Variants in DZIP3 observed in about 807,000 individuals in gnomAD.
The protein encoded by DZIP3 is E3 ubiquitin-protein ligase DZIP3.
DZIP3 carries 118 observed loss-of-function variants against 162.0 expected under a neutral mutation model. The observed-to-expected ratio is 0.73, with a 90% CI of 0.63 to 0.85. The LOEUF is 0.85. Among genes scored for constraint, DZIP3 ranks in the 40% least tolerant of loss-of-function variants. The probability of loss-of-function intolerance (pLI) is 0.00; values close to 1 mark genes in which losing one functional copy is unlikely to be tolerated. For missense variants in DZIP3, 1,331 were observed against 1,407.0 expected (o/e 0.95, Z 0.86); for synonymous variants, 438 against 458.6 (o/e 0.96, Z 0.57).
rs756958550 is a variant in DZIP3, at chr3:108,684,208, T to C, written c.2884-8T>C. On this transcript the variant is annotated splice_polypyrimidine_tract_variant and splice_region_variant and intron_variant, in intron 26 of 32. Transcript: ENST00000361582. ...GTTGTTTATTATTGTTTATATTTTCTATTTTAGATGCAGCAGTTCTTAGGA... is the reference window on the plus strand; with the variant it reads ...GTTGTTTATTATTGTTTATATTTTCCATTTTAGATGCAGCAGTTCTTAGGA... 2.5e-6 allele frequency: 4 copies of C among 1,599,206 alleles called. No homozygotes were observed. The Admixed American group carries it at 7.0e-5, about 28-fold the overall frequency.
intron 1 of DZIP3, among the ~76,000 whole-genome samples, chr3:108,596,456 T>A (rs1371152776): frequency 6.6e-6 from 1 of 152,196 alleles, no homozygotes; most frequent in African/African-American, 2.4e-5. Context: ...CTGAACTCCC[T>A]GATATTTAAG....
intron 19 of DZIP3, among the ~76,000 whole-genome samples, chr3:108,655,628 T>A (rs1943073889): frequency 6.6e-6 from 1 of 151,266 alleles, no homozygotes; most frequent in African/African-American, 2.4e-5. Context: ...TTCATCTCAC[T>A]GGGGATTGTT....
intron 28 of DZIP3, among the ~76,000 whole-genome samples, chr3:108,687,258 A>G (rs1944532286): frequency 6.6e-6 from 1 of 152,086 alleles, no homozygotes; most frequent in South Asian, 2.1e-4. Context: ...TAGATAATAA[A>G]ATAGAACTCT....
In DZIP3 at chr3:108,690,878, G is replaced by T. The variant is rs367842769; in HGVS notation, c.3608G>T (p.Arg1203Leu). ...LPEEFPGHPSRQLPKI is the reference protein window; with the variant it reads ...LPEEFPGHPSLQLPKI ...GAAGAATTCCCTGGTCACCCCAGCC[G>T]GCAGTTGCCCAAGATCTGATACAAG... Residue 1203 changes from arginine to leucine, a missense_variant, in exon 32 of 33, where the codon CGG becomes CTG. Physicochemically the swap from Arg to Leu is moderately radical, Grantham distance 102 (BLOSUM62 -2). Coordinates refer to ENST00000361582, the MANE Select transcript of DZIP3 (RefSeq NM_014648.4). 1.9e-6 allele frequency: 3 copies of T among 1,614,096 alleles called. No homozygotes were observed. The highest frequency in any genetic ancestry group is 1.1e-5 in the South Asian group (1 of 91,084).
chr3:108,591,272 G>T (rs1016684230), intron 1 of DZIP3, among the ~76,000 whole-genome samples: 2 of 152,222 alleles, frequency 1.3e-5, no homozygotes, highest in Non-Finnish European at 2.9e-5. Context: ...GTCCTATACG[G>T]TCTTGGAGAT....
At chr3:108,611,378 T>G in intron 4 of DZIP3, 49 bp downstream of exon 4, 1 of 1,587,756 alleles carries the variant, frequency 6.3e-7, no homozygotes, top group Middle Eastern at 1.7e-4. Context: ...TGTCTGTATA[T>G]GACTTTTTTA....
At chr3:108,604,036 A>G (rs935431553) in intron 1 of DZIP3, among the ~76,000 whole-genome samples, 3 of 152,178 alleles carry the variant, frequency 2.0e-5, no homozygotes, top group Non-Finnish European at 4.4e-5. Flanking sequence ...TTGAGTAAAC[A>G]CAATCTGAAT....
intron 17 of DZIP3, among the ~76,000 whole-genome samples, chr3:108,649,917 A>AT (rs752159788): frequency 8.6e-5 from 13 of 151,838 alleles, no homozygotes; most frequent in African/African-American, 1.2e-4. Flanking sequence ...GAGTATGGAG[A>AT]TTTTTCCTGA....
chr3:108,690,975 A>G (rs1944670253), intron 32 of DZIP3, 72 bp downstream of exon 32: 2 of 1,304,194 alleles, frequency 1.5e-6, no homozygotes, highest in East Asian at 2.3e-5. Flanking sequence ...GTGTAAAACT[A>G]TGTGCTCTTC....
chr3:108,671,493 G>T (rs1207090909), intron 22 of DZIP3, among the ~76,000 whole-genome samples: 1 of 151,792 alleles, frequency 6.6e-6, no homozygotes, highest in Non-Finnish European at 1.5e-5. Context: ...AACCTCATAG[G>T]TAACCATTTA....
intron 3 of DZIP3, among the ~76,000 whole-genome samples, chr3:108,608,792 TATA>T (rs1160564882): frequency 2.0e-5 from 3 of 152,224 alleles, no homozygotes; most frequent in Non-Finnish European, 4.4e-5. Context: ...CATAGTTTTA[TATA>T]ATGATTGATG....
rs77174986 is a variant in DZIP3 at position 108,638,888 on chromosome 3, T to C, written c.1064+1340T>C. Among the ~76,000 whole-genome samples the C allele has an allele frequency of 1.4e-4, 21 of 152,342 alleles. No homozygotes were observed. In the East Asian group the frequency reaches 3.7e-3, roughly 27 times the overall value. On this transcript the variant is annotated intron_variant, in intron 12 of 32. Coordinates refer to ENST00000361582, the MANE Select transcript of DZIP3 (RefSeq NM_014648.4). ...AAGTTCAGATTCTTTAGCTTGGCTCTTCACTTAACCTTGTACACAGCTGAA... is the reference window on the plus strand; with the variant it reads ...AAGTTCAGATTCTTTAGCTTGGCTCCTCACTTAACCTTGTACACAGCTGAA...
chr3:108,643,624 CTG>C (rs1438089142), intron 13 of DZIP3, among the ~76,000 whole-genome samples: 1 of 150,054 alleles, frequency 6.7e-6, no homozygotes, highest in Non-Finnish European at 1.5e-5. Flanking sequence ...CAGTCCCTAG[CTG>C]TATGTGGCTA....
chr3:108,637,137 A>G (rs1006421673), intron 11 of DZIP3, among the ~76,000 whole-genome samples: 2 of 151,996 alleles, frequency 1.3e-5, no homozygotes, highest in African/African-American at 4.8e-5. Flanking sequence ...GATGATATCC[A>G]TTTTATGTTT....
At chr3:108,616,301 T>TA (rs1553702558) in intron 4 of DZIP3, among the ~76,000 whole-genome samples, 7 of 145,266 alleles carry the variant, frequency 4.8e-5, no homozygotes, top group Non-Finnish European at 7.5e-5. Context: ...AATAAATAAA[T>TA]AAATAAAATA....
intron 19 of DZIP3, among the ~76,000 whole-genome samples, chr3:108,660,219 C>T (rs1310805341): frequency 2.0e-5 from 3 of 152,178 alleles, no homozygotes; most frequent in African/African-American, 4.8e-5. Flanking sequence ...GGAGGCATCA[C>T]ACTACCTGAC....
chr3:108,596,749 G>A (rs1264532156), intron 1 of DZIP3, among the ~76,000 whole-genome samples: 1 of 152,166 alleles, frequency 6.6e-6, no homozygotes, highest in Non-Finnish European at 1.5e-5. Flanking sequence ...CTTAACGTGT[G>A]CCAGGTGCTA....
chr3:108,685,171 T>C (rs1944453342), intron 27 of DZIP3, among the ~76,000 whole-genome samples: 1 of 152,208 alleles, frequency 6.6e-6, no homozygotes, highest in Non-Finnish European at 1.5e-5. Context: ...CTTAATATGT[T>C]AAATAAGTAA....
In DZIP3 at chr3:108,684,117, C is replaced by T. The variant is rs958777143; in HGVS notation, c.2884-99C>T. The stretch of plus-strand genomic sequence containing the variant: ...ATCTTGAGTTCAAATGAGTGTTCCC[C>T]CCGCCATATTGCTGTATGAATTTAG... On this transcript the variant is annotated intron_variant, in intron 26 of 32. Coordinates refer to ENST00000361582, the MANE Select transcript of DZIP3 (RefSeq NM_014648.4). 1.6e-5 allele frequency: 21 copies of T among 1,348,856 alleles called. No individual in the cohort carries two copies. The South Asian group carries it at 2.6e-4, about 17-fold the overall frequency. 83.6% of individuals were successfully genotyped at this position (1,348,856 alleles called of 1,614,324 possible).
Sources: allele counts gnomAD v4.1 joint callset (sites outside exome capture counted in the v4.1 genomes callset), GRCh38; gene constraint gnomAD v4.1.1; transcripts MANE v1.5; gene names NCBI Gene and HGNC (gene_info 2026-07-23, HGNC 2026-07-21).